Variants in MMP15 observed in about 807,000 individuals in gnomAD.
The protein encoded by MMP15 is matrix metallopeptidase 15.
Under a neutral mutation model 65.0 loss-of-function variants are expected in MMP15, and 36 were observed. That is an observed-to-expected ratio of 0.55 (90% CI 0.42 to 0.73). MMP15 has a LOEUF of 0.73. Among genes scored for constraint, MMP15 ranks in the 30% least tolerant of loss-of-function variants. The pLI, the probability that MMP15 is intolerant of heterozygous loss-of-function variation, is 0.00. For missense variants in MMP15, 870 were observed against 987.8 expected, an observed-to-expected ratio of 0.88 and a Z score of 1.60; for synonymous variants, 428 against 410.2, an observed-to-expected ratio of 1.04 and a Z score of -0.52.
rs1959498879 is a variant in MMP15 at position 58,043,607 on chromosome 16, C to A, written c.1550C>A (p.Ala517Asp). 2 of 1,611,692 alleles carry A rather than the reference C, an allele frequency of 1.2e-6. No individual in the cohort carries two copies. Among genetic ancestry groups the A allele is most frequent in the Admixed American group, 1.7e-5 (1 of 59,358 alleles). ...WQGIPASPKGAFLSNDAAYTY... is the reference protein window; with the variant it reads ...WQGIPASPKGDFLSNDAAYTY... ...GGGATCCCTGCCTCCCCTAAAGGGG[C>A]CTTCCTGAGCAATGACGCAGGTACC... is the stretch of plus-strand genomic sequence containing the variant. Residue 517 changes from alanine (A) to aspartate (D), a missense_variant, in exon 9 of 10, where the codon GCC becomes GAC. By Grantham distance (126) the Ala-to-Asp change is moderately radical. Coordinates refer to ENST00000219271, the MANE Select transcript of MMP15 (RefSeq NM_002428.4).
chr16:58,040,904 C>G, intron 5 of MMP15: 2 of 729,134 alleles, frequency 2.7e-6, no homozygotes, highest in Non-Finnish European at 4.6e-6. Flanking sequence ...GGGCCTCACT[C>G]GAGGCTGTGG....
At chr16:58,027,174 G>C (rs1963833532) in intron 1 of MMP15, among the ~76,000 whole-genome samples, 1 of 152,200 alleles carries the variant, frequency 6.6e-6, no homozygotes, top group African/African-American at 2.4e-5. Context: ...CTCCCACAGC[G>C]CTTCCTCCCA....
intron 1 of MMP15, among the ~76,000 whole-genome samples, chr16:58,034,603 G>A (rs1039704535): frequency 6.6e-6 from 1 of 152,184 alleles, no homozygotes; most frequent in Admixed American, 6.5e-5. Context: ...AGAGGTTTGA[G>A]TGGTCTGCGC....
rs778301581 is a variant in MMP15, at chr16:58,038,351, G to C, written c.397G>C (p.Ala133Pro). The C allele has an allele frequency of 6.2e-7, 1 of 1,614,072 alleles. No homozygotes were observed. Residue 133 changes from alanine (A) to proline (P), a missense_variant, in exon 3 of 10, where the codon GCC becomes CCC. Transcript: ENST00000219271. ...ANLRRRRKRY[A>P]LTGRKWNNHH... ...CCTGCGGCGGCGTCGGAAGCGCTAC[G>C]CCCTCACCGGGAGGAAGTGGAACAA...
chr16:58,038,117 A>T, intron 2 of MMP15, 149 bp from the exon 3 acceptor site: 2 of 1,080,420 alleles, frequency 1.9e-6, no homozygotes, highest in Non-Finnish European at 2.7e-6. Context: ...TGCCCATTTT[A>T]CTGGAAGTTG....
At chr16:58,026,572 G>A (rs1049177503) in intron 1 of MMP15, 60 bp downstream of exon 1, 6 of 1,279,972 alleles carry the variant, frequency 4.7e-6, no homozygotes, top group Non-Finnish European at 5.9e-6. Context: ...GAGGCGCCAC[G>A]TCCGCAGGCT....
Position 58,026,139 on chromosome 16 carries a change from C to T in MMP15, c.-212C>T. On this transcript the variant is annotated 5_prime_UTR_variant, in exon 1 of 10. Transcript: ENST00000219271. ...GGCAGCTCCGGTCGGCCCCCTTTCC[C>T]GCCGGCTGGTTCCGAGCTCCCGGAC... 4.4e-6 allele frequency: 2 copies of T among 451,884 alleles called. No individual in the cohort carries two copies. The highest frequency in any genetic ancestry group is 7.2e-6 in the Non-Finnish European group (2 of 279,392). 28.0% of individuals were successfully genotyped at this position (451,884 alleles called of 1,614,324 possible). A position where few individuals can be genotyped will look rare whatever the true frequency, so the allele number is the denominator to read the frequency against.
chr16:58,030,300 C>CA (rs1963876141), intron 1 of MMP15, among the ~76,000 whole-genome samples: 1 of 152,186 alleles, frequency 6.6e-6, no homozygotes, highest in South Asian at 2.1e-4. Context: ...ACCTGAGACA[C>CA]AGTAGGCACC....
At chr16:58,038,159 TAGG>T in intron 2 of MMP15, 104 bp from the exon 3 acceptor site, 1 of 1,450,414 alleles carries the variant, frequency 6.9e-7, no homozygotes, top group Non-Finnish European at 9.5e-7. Flanking sequence ...CACTGTGTCA[TAGG>T]AGGGGCGGCT....
rs371785163 is a variant in MMP15, at chr16:58,042,351, C to T, written c.1285C>T (p.Arg429Cys). Residue 429 changes from arginine (R) to cysteine (C), a missense_variant, in exon 7 of 10, where the codon CGT becomes TGT. Transcript: ENST00000219271. The stretch of plus-strand genomic sequence containing the variant: ...TGCTGCCTACGAGCGCCAAGACGGT[C>T]GTTTTGTCTTTTTCAAAGGTGAGCA... ...ISAAYERQDGRFVFFKGDRYW... is the reference protein window; with the variant it reads ...ISAAYERQDGCFVFFKGDRYW... The T allele has an allele frequency of 5.0e-6, 8 of 1,613,986 alleles. No homozygotes were observed. In the Middle Eastern group the frequency reaches 4.9e-4, roughly 100 times the overall value.
At position 58,045,012 on chromosome 16, in the gene MMP15, A is replaced by G; in HGVS notation, c.1576A>G (p.Thr526Ala). ...GAFLSNDAAY[T>A]YFYKGTKYWK... is the part of the protein sequence containing the mutation. ...TGGCCTCCTTGCCCCTGCAGCCTAC[A>G]CCTACTTCTACAAGGGCACCAAATA... The change falls in exon 10 of 10, where the codon ACC (threonine) becomes GCC (alanine). Residue 526 changes from threonine to alanine, a missense_variant. Physicochemically the swap from Thr to Ala is moderately conservative, Grantham distance 58 (BLOSUM62 0). Transcript: ENST00000219271. 2 of 1,613,246 alleles carry G rather than the reference A, an allele frequency of 1.2e-6. No homozygotes were observed. The highest frequency in any genetic ancestry group is 1.7e-6 in the Non-Finnish European group (2 of 1,179,962).
chr16:58,040,234 G>A (rs1387390904), intron 4 of MMP15, 52 bp downstream of exon 4: 1 of 1,551,516 alleles, frequency 6.4e-7, no homozygotes, highest in Non-Finnish European at 8.7e-7. Context: ...CCGGAGCTGG[G>A]CAACAACACC....
intron 1 of MMP15, among the ~76,000 whole-genome samples, chr16:58,026,778 G>A (rs1410728057): frequency 6.6e-6 from 1 of 151,812 alleles, no homozygotes; most frequent in African/African-American, 2.4e-5. Context: ...CCCCCACCCC[G>A]ACCCCCTTAC....
Position 58,038,403 on chromosome 16 carries a change from C to T in MMP15, c.440+9C>T. ...CACCATCTGACCTTTAGGTAGGGGG[C>T]TCAGCTGCCCAGGGAAGCATCTGCC... is the stretch of plus-strand genomic sequence containing the variant. On this transcript the variant is annotated intron_variant, in intron 3 of 9. Transcript: ENST00000219271. 1 of 1,613,746 alleles carries T rather than the reference C, an allele frequency of 6.2e-7. No homozygotes were observed. Among genetic ancestry groups the T allele is most frequent in the South Asian group, 1.1e-5 (1 of 91,072 alleles).
chr16:58,040,722 C>A, intron 5 of MMP15, 24 bp downstream of exon 5: 1 of 1,613,654 alleles, frequency 6.2e-7, no homozygotes, highest in Non-Finnish European at 8.5e-7. Context: ...GACCAGCGGG[C>A]TCTGCATGCC....
At chr16:58,039,797 C>T (rs552689947) in intron 3 of MMP15, 78 bp from the exon 4 acceptor site, 124 of 1,428,050 alleles carry the variant, frequency 8.7e-5, no homozygotes, top group Non-Finnish European at 1.1e-4. Context: ...ACCTTGCGTG[C>T]ACTCTTGGGA....
chr16:58,040,568 G>A lies in MMP15; in HGVS notation c.780G>A (p.Glu260=). The A allele has an allele frequency of 3.1e-6, 5 of 1,613,880 alleles. No individual in the cohort carries two copies. Among genetic ancestry groups the A allele is most frequent in the Non-Finnish European group, 4.2e-6 (5 of 1,180,036 alleles). ...GNNLFLVAVH[E]LGHALGLEHS... is the part of the protein sequence containing the mutation. Reference sequence around the variant, plus strand: ...ACCTCTTCCTGGTGGCAGTGCATGAGCTGGGCCACGCGCTGGGGCTGGAGC... The same window carrying A: ...ACCTCTTCCTGGTGGCAGTGCATGAACTGGGCCACGCGCTGGGGCTGGAGC... The change falls in exon 5 of 10, where the codon GAG becomes GAA. Residue 260 remains glutamate, a synonymous_variant. Transcript: ENST00000219271.
chr16:58,031,549 C>G (rs1382639401), intron 1 of MMP15, among the ~76,000 whole-genome samples: 2 of 152,166 alleles, frequency 1.3e-5, no homozygotes, highest in Non-Finnish European at 2.9e-5. Context: ...CCTCTTCACC[C>G]CGCGCGCTGG....
In MMP15 at chr16:58,043,511, GGT is replaced by G. The variant is rs1188847611; in HGVS notation, c.1455_1456del (p.Tyr486LeufsTer29). On this transcript the variant is annotated frameshift_variant and splice_region_variant, in exon 9 of 10. Transcript: ENST00000219271. LOFTEE classifies it high-confidence loss of function. ...CCACAGCCTGGTGCTTTTGTTCACAGGTACTGGCGCTTCAACGAGGAGACACA... is the reference window on the plus strand; with the variant it reads ...CCACAGCCTGGTGCTTTTGTTCACAGACTGGCGCTTCAACGAGGAGACACA... The G allele has an allele frequency of 6.2e-7, 1 of 1,613,876 alleles. No individual in the cohort carries two copies. The highest frequency in any genetic ancestry group is 1.7e-5 in the Admixed American group (1 of 59,994).
Sources: allele counts gnomAD v4.1 joint callset (sites outside exome capture counted in the v4.1 genomes callset), GRCh38; gene constraint gnomAD v4.1.1; transcripts MANE v1.5; gene names NCBI Gene and HGNC (gene_info 2026-07-23, HGNC 2026-07-21).